RFTN1: variants seen among roughly 807,000 people sequenced by gnomAD.
RFTN1 encodes the protein raftlin.
RFTN1 carries 26 observed loss-of-function variants against 46.5 expected under a neutral mutation model. That is an observed-to-expected ratio of 0.56 (90% CI 0.41 to 0.78). The LOEUF is 0.78. RFTN1 is among the 30% of genes least tolerant of loss of function. The pLI, the probability that RFTN1 is intolerant of heterozygous loss-of-function variation, is 0.00. For missense variants in RFTN1, 693 were observed against 718.7 expected, an observed-to-expected ratio of 0.96 and a Z score of 0.41; for synonymous variants, 261 against 284.2, an observed-to-expected ratio of 0.92 and a Z score of 0.82.
Position 16,449,997 on chromosome 3 carries a change from G to A in RFTN1, c.146-15960C>T, listed in dbSNP as rs1222529446. On this transcript the variant is annotated intron_variant, in intron 2 of 9. Coordinates refer to ENST00000334133, the MANE Select transcript of RFTN1 (RefSeq NM_015150.2). This position sits in a 1 kb window ranked among gnomAD's most constrained non-coding sequence, Gnocchi z 5.1. The stretch of plus-strand genomic sequence containing the variant: ...GGGAGGCGCAGCAGGGGAAAGAGGT[G>A]GAATTGCGGCAGGAATACATTAAGG... Among the ~76,000 whole-genome samples the A allele has an allele frequency of 6.6e-6, 1 of 152,102 alleles. No homozygotes were observed. Among genetic ancestry groups the A allele is most frequent in the African/African-American group, 2.4e-5 (1 of 41,414 alleles).
chr3:16,357,753 C>T (rs769487632), intron 7 of RFTN1, among the ~76,000 whole-genome samples, 179 bp downstream of exon 7: 3 of 152,060 alleles, frequency 2.0e-5, no homozygotes, highest in Admixed American at 6.5e-5. Flanking sequence ...CCCACCCCTA[C>T]CTGGGGGTGG....
At chr3:16,404,302 TGTAATATATATTATATATA>T (rs2074778709) in intron 4 of RFTN1, among the ~76,000 whole-genome samples, 1 of 32,548 alleles carries the variant, frequency 3.1e-5, no homozygotes, top group African/African-American at 1.7e-4. Context: ...ATATATAATA[TGTAATATATATTATATATA>T]ATATATAATA....
In RFTN1 at chr3:16,335,853, C is replaced by CTGGA. The variant is rs1274700621; in HGVS notation, c.1147-8981_1147-8978dup. On this transcript the variant is annotated intron_variant, in intron 7 of 9. Coordinates refer to ENST00000334133, the MANE Select transcript of RFTN1 (RefSeq NM_015150.2). This position sits in a 1 kb window ranked among gnomAD's most constrained non-coding sequence, Gnocchi z 4.7. ...GGGCAAGTCACAAGGAGCCTGGAAA[C>CTGGA]TGGATGGATGGATGGTGAGGTCTCA... Among the ~76,000 whole-genome samples the CTGGA allele has an allele frequency of 6.6e-6, 1 of 151,362 alleles. No homozygotes were observed. The highest frequency in any genetic ancestry group is 2.4e-5 in the African/African-American group (1 of 41,086).
intron 2 of RFTN1, among the ~76,000 whole-genome samples, chr3:16,438,753 G>A (rs1246542270): frequency 6.6e-6 from 1 of 152,062 alleles, no homozygotes; most frequent in Non-Finnish European, 1.5e-5. Flanking sequence ...TGAGGATCAC[G>A]TGGGATGATG....
chr3:16,380,539 T>G lies in RFTN1; in HGVS notation c.442-2437A>C, dbSNP rs2073951092. On this transcript the variant is annotated intron_variant, in intron 4 of 9. Transcript: ENST00000334133. This position sits in a 1 kb window ranked among gnomAD's most constrained non-coding sequence, Gnocchi z 4.8. ...CAGACAACCATATTCCTTTGCCATCTTGTACTGCAAATTTATCCTCTAGGC... is the reference window on the plus strand; with the variant it reads ...CAGACAACCATATTCCTTTGCCATCGTGTACTGCAAATTTATCCTCTAGGC... 6.6e-6 allele frequency among the ~76,000 whole-genome samples: 1 copy of G among 152,228 alleles called. No individual in the cohort carries two copies. Among genetic ancestry groups the G allele is most frequent in the South Asian group, 2.1e-4 (1 of 4,832 alleles).
chr3:16,391,581 TTG>T (rs2074341792), intron 4 of RFTN1, among the ~76,000 whole-genome samples: 1 of 152,100 alleles, frequency 6.6e-6, no homozygotes, highest in African/African-American at 2.4e-5. Context: ...CCAATTACAG[TTG>T]TTAGTTAAGT....
chr3:16,503,701 A>G (rs2076751951), intron 1 of RFTN1, among the ~76,000 whole-genome samples: 1 of 152,050 alleles, frequency 6.6e-6, no homozygotes, highest in Non-Finnish European at 1.5e-5. Flanking sequence ...CAATCTCTTG[A>G]ATCTCTTTCT....
chr3:16,371,065 C>A (rs2073478851), intron 5 of RFTN1: 1 of 152,236 alleles, frequency 6.6e-6, no homozygotes, highest in Non-Finnish European at 1.5e-5. Flanking sequence ...CAATCTAAGT[C>A]TGAGAGTCTA....
At position 16,422,014 on chromosome 3, in the gene RFTN1, C is replaced by G. The variant is rs2075196048; in HGVS notation, c.332+11837G>C. ...CTGAATGCTAAATATTATGACACAT[C>G]ATCTCTCTCCTAATTTTTCAATAAA... On this transcript the variant is annotated intron_variant, in intron 3 of 9. Transcript: ENST00000334133. The surrounding 1 kb of genome is among the most constrained non-coding windows in gnomAD (Gnocchi z 4.6). Among the ~76,000 whole-genome samples, 1 of 152,128 alleles carries G rather than the reference C, an allele frequency of 6.6e-6. No individual in the cohort carries two copies. The highest frequency in any genetic ancestry group is 1.5e-5 in the Non-Finnish European group (1 of 68,032).
intron 7 of RFTN1, among the ~76,000 whole-genome samples, chr3:16,340,634 T>G (rs2071256535): frequency 6.6e-6 from 1 of 152,250 alleles, no homozygotes; most frequent in Non-Finnish European, 1.5e-5. Context: ...TTAATGGAGA[T>G]GAGTGTTTCT....
Position 16,458,475 on chromosome 3 carries a change from A to G in RFTN1, c.146-24438T>C, listed in dbSNP as rs1404038188. Among the ~76,000 whole-genome samples, 1 of 152,216 alleles carries G rather than the reference A, an allele frequency of 6.6e-6. No homozygotes were observed. The highest frequency in any genetic ancestry group is 1.5e-5 in the Non-Finnish European group (1 of 68,040). On this transcript the variant is annotated intron_variant, in intron 2 of 9. Transcript: ENST00000334133. The surrounding 1 kb of genome is among the most constrained non-coding windows in gnomAD (Gnocchi z 5.1). ...ATGTGAATTTTTCCTTTCACTTGTC[A>G]TTAATTCTGTTCATCTGCAAGAAGC...
chr3:16,389,237 G>T (rs1043977488), intron 4 of RFTN1, among the ~76,000 whole-genome samples: 1 of 152,264 alleles, frequency 6.6e-6, no homozygotes, highest in South Asian at 2.1e-4. Flanking sequence ...TGATTCCCAC[G>T]ACTCCAGACC....
Position 16,337,567 on chromosome 3 carries a change from C to A in RFTN1, c.1147-10691G>T, listed in dbSNP as rs1046898419. ...GACCACCCTGGCCAACATGGTGAAACCTCGTCTCTACTAAAAATACAAAAA... is the reference window on the plus strand; with the variant it reads ...GACCACCCTGGCCAACATGGTGAAAACTCGTCTCTACTAAAAATACAAAAA... On this transcript the variant is annotated intron_variant, in intron 7 of 9. Coordinates refer to ENST00000334133, the MANE Select transcript of RFTN1 (RefSeq NM_015150.2). The surrounding 1 kb of genome is among the most constrained non-coding windows in gnomAD (Gnocchi z 5.0). Among the ~76,000 whole-genome samples, 5 of 151,626 alleles carry A rather than the reference C, an allele frequency of 3.3e-5. No individual in the cohort carries two copies. Among genetic ancestry groups the A allele is most frequent in the African/African-American group, 1.2e-4 (5 of 41,234 alleles).
chr3:16,350,740 G>C (rs1203778398), intron 7 of RFTN1, among the ~76,000 whole-genome samples: 1 of 152,146 alleles, frequency 6.6e-6, no homozygotes, highest in Non-Finnish European at 1.5e-5. Flanking sequence ...GGCCTTTCAT[G>C]GGAGTGATTA....
chr3:16,437,989 G>A (rs1462931819), intron 2 of RFTN1, among the ~76,000 whole-genome samples: 2 of 151,948 alleles, frequency 1.3e-5, no homozygotes, highest in African/African-American at 4.8e-5. Flanking sequence ...AGGGCTTTAT[G>A]GAAGGCAACT....
At chr3:16,406,273 T>C (rs2074854026) in intron 4 of RFTN1, among the ~76,000 whole-genome samples, 1 of 152,194 alleles carries the variant, frequency 6.6e-6, no homozygotes, top group Non-Finnish European at 1.5e-5. Flanking sequence ...AGTCCCATTA[T>C]TTTGTCCCAC....
chr3:16,409,600 C>A (rs1175140992), intron 3 of RFTN1, 117 bp from the exon 4 acceptor site: 1 of 634,218 alleles, frequency 1.6e-6, no homozygotes, highest in South Asian at 1.7e-5. Context: ...TCACTGCAAC[C>A]CCCACCTCCC....
rs1211246153 is a variant in RFTN1 at position 16,506,210 on chromosome 3, G to C, written c.-9+7232C>G. Among the ~76,000 whole-genome samples the C allele has an allele frequency of 6.6e-6, 1 of 152,148 alleles. No homozygotes were observed. Among genetic ancestry groups the C allele is most frequent in the South Asian group, 2.1e-4 (1 of 4,816 alleles). On this transcript the variant is annotated intron_variant, in intron 1 of 9. Coordinates refer to ENST00000334133, the MANE Select transcript of RFTN1 (RefSeq NM_015150.2). This position sits in a 1 kb window ranked among gnomAD's most constrained non-coding sequence, Gnocchi z 4.8. Reference sequence around the variant, plus strand: ...AAAATCATGAGGAAGGCCACAGAGCGAGCCATGGGATAAGGGGGAGGGTGG... The same window carrying C: ...AAAATCATGAGGAAGGCCACAGAGCCAGCCATGGGATAAGGGGGAGGGTGG...
intron 2 of RFTN1, chr3:16,434,659 C>A (rs1200929748): frequency 1.3e-5 from 2 of 150,788 alleles, no homozygotes; most frequent in South Asian, 2.1e-4. Context: ...AAAAAACACA[C>A]AGAAATAAAG....
Sources: gnomAD v4.1 joint callset for allele counts (sites outside exome capture counted in the v4.1 genomes callset) on GRCh38, gnomAD v4.1.1 for gene constraint, Gnocchi (gnomAD v3.1) non-coding constraint, MANE v1.5 for transcripts, NCBI Gene and HGNC (gene_info 2026-07-23, HGNC 2026-07-21) for gene names.